TBXT: variants seen among roughly 807,000 people sequenced by gnomAD.
The protein encoded by TBXT is T brachyury transcription factor.
TBXT carries 19 observed loss-of-function variants against 41.1 expected under a neutral mutation model. The ratio of observed to expected loss-of-function variants is 0.46; its 90% CI spans 0.32 to 0.68. The LOEUF is 0.68. Among genes scored for constraint, TBXT ranks in the 30% least tolerant of loss-of-function variants. TBXT has a pLI of 0.03. For missense variants in TBXT, 536 were observed against 582.0 expected, an observed-to-expected ratio of 0.92 and a Z score of 0.81; for synonymous variants, 213 against 238.9, an observed-to-expected ratio of 0.89 and a Z score of 1.00.
chr6:166,167,278 G>T, intron 1 of TBXT, 108 bp downstream of exon 1: 1 of 1,269,276 alleles, frequency 7.9e-7, no homozygotes, highest in Non-Finnish European at 1.1e-6. Flanking sequence ...CAAACACAAA[G>T]CCCTCCTCCA....
At position 166,158,403 on chromosome 6, in the gene TBXT, G is replaced by A. The variant is rs746115753; in HGVS notation, c.1223C>T (p.Ala408Val). 1 of 1,614,074 alleles carries A rather than the reference G, an allele frequency of 6.2e-7. No homozygotes were observed. The highest frequency in any genetic ancestry group is 8.5e-7 in the Non-Finnish European group (1 of 1,180,050). ...GSPLYEGAAAATDIVDSQYDA... is the reference protein window; with the variant it reads ...GSPLYEGAAAVTDIVDSQYDA... ...GTACTGGCTGTCCACGATGTCTGTGGCCGCGGCCGCCCCTTCGTACAGTGG... is the reference window on the plus strand; with the variant it reads ...GTACTGGCTGTCCACGATGTCTGTGACCGCGGCCGCCCCTTCGTACAGTGG... The change falls in exon 8 of 8, where the codon GCC becomes GTC. Residue 408 changes from alanine to valine, a missense_variant. Transcript: ENST00000366876.
chr6:166,167,928 G>C (rs1779186362), upstream of TBXT: 1 of 410,030 alleles, frequency 2.4e-6, no homozygotes, highest in South Asian at 2.4e-5. Context: ...ATTGGGCCGC[G>C]CACGCTTTGA....
At chr6:166,163,244 G>A (rs116643753) in intron 5 of TBXT, among the ~76,000 whole-genome samples, 2,308 of 152,190 alleles carry the variant, frequency 0.015, 54 homozygotes, top group African/African-American at 0.053. Context: ...CACAGAGACG[G>A]GAGGTGCCTT....
At chr6:166,168,127 C>A (rs1365068594), upstream of TBXT, among the ~76,000 whole-genome samples, 4 of 151,908 alleles carry the variant, frequency 2.6e-5, no homozygotes, top group South Asian at 4.1e-4. Context: ...TCCATCAAAG[C>A]GGCGGGGCAA....
intron 3 of TBXT, 81 bp from the exon 4 acceptor site, chr6:166,164,942 G>T: frequency 9.0e-7 from 1 of 1,110,488 alleles, no homozygotes; most frequent in Non-Finnish European, 1.4e-6. Context: ...ATTGAGAAAT[G>T]CCAGTACCAC....
Position 166,165,894 on chromosome 6 carries a change from CA to C in TBXT, c.472-55del, listed in dbSNP as rs533538791. On this transcript the variant is annotated intron_variant, in intron 2 of 7. Coordinates refer to ENST00000366876, the MANE Select transcript of TBXT (RefSeq NM_001366285.2). ...CACTGAAAGGCCTGCGTTAAAACAG[CA>C]AAACATCCATTTCTCCAGGATGCAG... is the stretch of plus-strand genomic sequence containing the variant. 6.2e-4 allele frequency: 996 copies of C among 1,611,918 alleles called. 20 individuals are homozygous for C. In the East Asian group the frequency reaches 0.019, roughly 30 times the overall value.
intron 7 of TBXT, among the ~76,000 whole-genome samples, chr6:166,159,808 G>A (rs1178731037): frequency 6.6e-6 from 1 of 152,164 alleles, no homozygotes; most frequent in South Asian, 2.1e-4. Context: ...CCCAATTAGA[G>A]CCACACTGAG....
At position 166,158,552 on chromosome 6, in the gene TBXT, G is replaced by A. The variant is rs764411092; in HGVS notation, c.1074C>T (p.Ala358=). Residue 358 remains alanine (A), a synonymous_variant, in exon 8 of 8, where the codon GCC becomes GCT. Coordinates refer to ENST00000366876, the MANE Select transcript of TBXT (RefSeq NM_001366285.2). Reference sequence around the variant, plus strand: ...CTGCTGCCTGGGAGCCCGGGGTGACGGCGCCGTTGCTCACAGACCACAGGC... The same window carrying A: ...CTGCTGCCTGGGAGCCCGGGGTGACAGCGCCGTTGCTCACAGACCACAGGC... ...YPSLWSVSNG[A]VTPGSQAAAV... is the part of the protein sequence containing the mutation. 8.2e-6 allele frequency: 13 copies of A among 1,587,696 alleles called. No individual in the cohort carries two copies. Among genetic ancestry groups the A allele is most frequent in the Admixed American group, 3.5e-5 (2 of 57,690 alleles).
At chr6:166,161,102 C>G in intron 6 of TBXT, 136 bp from the exon 7 acceptor site, 1 of 1,184,022 alleles carries the variant, frequency 8.4e-7, no homozygotes, top group East Asian at 2.5e-5. Context: ...CTGTAGAAAA[C>G]AATCCATTAG....
intron 1 of TBXT, 136 bp from the exon 2 acceptor site, chr6:166,166,992 G>A (rs1779138226): frequency 6.9e-7 from 1 of 1,459,430 alleles, no homozygotes; most frequent in South Asian, 1.2e-5. Context: ...TGACTCCCAA[G>A]CTCCCCCTTC....
Position 166,158,201 on chromosome 6 carries a change from T to C in TBXT, c.*114A>G. The C allele has an allele frequency of 6.5e-7, 1 of 1,529,118 alleles. No homozygotes were observed. The highest frequency in any genetic ancestry group is 1.4e-5 in the African/African-American group (1 of 73,368). 94.7% of individuals were successfully genotyped at this position (1,529,118 alleles called of 1,614,324 possible). On this transcript the variant is annotated 3_prime_UTR_variant, in exon 8 of 8. Coordinates refer to ENST00000366876, the MANE Select transcript of TBXT (RefSeq NM_001366285.2). ...GCTTTGAAAAGGAAGTTACTGAGGC[T>C]GCATTTCCTTCTTAACCTGAGACTG...
Position 166,160,842 on chromosome 6 carries a change from G to T in TBXT, c.1032C>A (p.Ser344Arg). 6.2e-7 allele frequency: 1 copy of T among 1,614,162 alleles called. No individual in the cohort carries two copies. Among genetic ancestry groups the T allele is most frequent in the South Asian group, 1.1e-5 (1 of 91,082 alleles). The change falls in exon 7 of 8, where the codon AGC (serine) becomes AGA (arginine). Residue 344 changes from serine (S) to arginine (R), a missense_variant. By Grantham distance (110) the Ser-to-Arg change is moderately radical. Transcript: ENST00000366876. ...PVSHNASPPT[S>R]SSQYPSLWSV... ...AGGTCCTGGACATACATTACCTGGAGCTGGTAGGTGGGCTGGCATTGTGGC... is the reference window on the plus strand; with the variant it reads ...AGGTCCTGGACATACATTACCTGGATCTGGTAGGTGGGCTGGCATTGTGGC...
chr6:166,158,953 A>G (rs11758476), intron 7 of TBXT, among the ~76,000 whole-genome samples: 31,337 of 152,216 alleles, frequency 0.21, 3,339 homozygotes, highest in African/African-American at 0.22. Context: ...CAGGTGGATC[A>G]GCTGATGTCA....
intron 5 of TBXT, among the ~76,000 whole-genome samples, chr6:166,164,100 A>G (rs1779039488): frequency 6.6e-6 from 1 of 152,114 alleles, no homozygotes; most frequent in African/African-American, 2.4e-5. Flanking sequence ...TCTATCCTGC[A>G]CTCTGACTCC....
intron 7 of TBXT, among the ~76,000 whole-genome samples, chr6:166,160,319 C>A (rs1778915048): frequency 6.6e-6 from 1 of 152,188 alleles, no homozygotes; most frequent in Non-Finnish European, 1.5e-5. Flanking sequence ...GACTTCGAGC[C>A]TGTATCCATA....
At chr6:166,160,807 G>A (rs1441421574) in intron 7 of TBXT, 30 bp downstream of exon 7, 1 of 1,613,436 alleles carries the variant, frequency 6.2e-7, no homozygotes, top group African/African-American at 1.3e-5. Context: ...CTCCCAGGAT[G>A]CTTTGCACCA....
chr6:166,165,931 G>C, intron 2 of TBXT, 91 bp from the exon 3 acceptor site: 1 of 1,585,662 alleles, frequency 6.3e-7, no homozygotes, highest in Admixed American at 1.7e-5. Flanking sequence ...AAAGTCCTCT[G>C]GATCCCAAGA....
chr6:166,166,644 G>A lies in TBXT; in HGVS notation c.419C>T (p.Pro140Leu), dbSNP rs368969464. 5.0e-6 allele frequency: 8 copies of A among 1,613,960 alleles called. No individual in the cohort carries two copies. The African/African-American group carries it at 9.3e-5, about 19-fold the overall frequency. ...GAGCTTGACTTTGCTGAAGGAGACG[G>A]GAGCCTTCATCCAGTGGGCCCCGAA... ...PNFGAHWMKA[P>L]VSFSKVKLTN... Residue 140 changes from proline (P) to leucine (L), a missense_variant, in exon 2 of 8, where the codon CCC becomes CTC. Coordinates refer to ENST00000366876, the MANE Select transcript of TBXT (RefSeq NM_001366285.2).
chr6:166,159,421 C>T (rs769430227), intron 7 of TBXT, among the ~76,000 whole-genome samples: 38 of 151,942 alleles, frequency 2.5e-4, no homozygotes, highest in Non-Finnish European at 4.7e-4. Flanking sequence ...TGCACTTTGT[C>T]CTGTTCAGTA....
Sources: allele counts gnomAD v4.1 joint callset (sites outside exome capture counted in the v4.1 genomes callset), GRCh38; gene constraint gnomAD v4.1.1; transcripts MANE v1.5; gene names NCBI Gene and HGNC (gene_info 2026-07-23, HGNC 2026-07-21).